The following EYA4 variants were observed in gnomAD, a reference collection of about 807,000 sequenced individuals.
EYA4 encodes protein phosphatase EYA4.
In EYA4, 31 loss-of-function variants were observed where a neutral mutation model predicts 87.9. The observed-to-expected ratio is 0.35, with a 90% CI of 0.27 to 0.48. EYA4 has a LOEUF of 0.48. Ranked by LOEUF, EYA4 falls within the 20% of genes least tolerant of loss-of-function variation. EYA4 has a pLI of 0.99. For missense variants in EYA4, 678 were observed against 761.4 expected (o/e 0.89, Z 1.29); for synonymous variants, 263 against 270.6 (o/e 0.97, Z 0.28).
chr6:133,270,189 T>C (rs1018845979), intron 1 of EYA4, among the ~76,000 whole-genome samples: 1 of 152,196 alleles, frequency 6.6e-6, no homozygotes, highest in African/African-American at 2.4e-5. Context: ...TCCAATCAAG[T>C]TGACATTCAG....
intron 2 of EYA4, among the ~76,000 whole-genome samples, chr6:133,355,096 C>G (rs1189179999): frequency 6.6e-6 from 1 of 151,910 alleles, no homozygotes; most frequent in African/African-American, 2.4e-5. Flanking sequence ...TTTTTTCTAA[C>G]TTTTATTTTA....
intron 2 of EYA4, among the ~76,000 whole-genome samples, chr6:133,310,093 G>A (rs1780105408): frequency 6.6e-6 from 1 of 152,200 alleles, no homozygotes; most frequent in South Asian, 2.1e-4. Flanking sequence ...AGCAGCGAAA[G>A]TGAGGAGGTC....
At chr6:133,451,766 C>A (rs1220369153) in intron 5 of EYA4, among the ~76,000 whole-genome samples, 1 of 152,094 alleles carries the variant, frequency 6.6e-6, no homozygotes, top group Non-Finnish European at 1.5e-5. Flanking sequence ...TAAGAAACAA[C>A]TTCAAAGAAA....
At chr6:133,459,290 C>T (rs1216948840) in intron 6 of EYA4, among the ~76,000 whole-genome samples, 2 of 152,016 alleles carry the variant, frequency 1.3e-5, no homozygotes, top group African/African-American at 2.4e-5. Flanking sequence ...GTTGTGAGTA[C>T]ATTATTCTAA....
intron 13 of EYA4, among the ~76,000 whole-genome samples, chr6:133,491,404 C>T (rs991612749): frequency 6.6e-6 from 1 of 152,058 alleles, no homozygotes; most frequent in Non-Finnish European, 1.5e-5. Flanking sequence ...ATAGACAAAT[C>T]TTTAACCAGC....
chr6:133,277,122 A>G (rs539005267), intron 2 of EYA4, among the ~76,000 whole-genome samples: 135 of 152,306 alleles, frequency 8.9e-4, no homozygotes, highest in Non-Finnish European at 1.5e-3. Flanking sequence ...TATCATTGCT[A>G]TTTTAGTTCA....
At chr6:133,367,509 C>G (rs1183989804) in intron 2 of EYA4, among the ~76,000 whole-genome samples, 1 of 152,186 alleles carries the variant, frequency 6.6e-6, no homozygotes, top group Non-Finnish European at 1.5e-5. Context: ...ATGCATCCAA[C>G]AAATACCAGT....
At chr6:133,394,581 G>A (rs1038387315) in intron 3 of EYA4, among the ~76,000 whole-genome samples, 4 of 151,558 alleles carry the variant, frequency 2.6e-5, no homozygotes, top group African/African-American at 4.9e-5. Flanking sequence ...AAAAAAAAAA[G>A]CCTATGACAA....
intron 13 of EYA4, among the ~76,000 whole-genome samples, chr6:133,487,416 G>T (rs78317814): frequency 6.6e-6 from 1 of 152,144 alleles, no homozygotes; most frequent in Non-Finnish European, 1.5e-5. Context: ...GGGAGTGCTT[G>T]TGCTACCCCT....
intron 3 of EYA4, among the ~76,000 whole-genome samples, chr6:133,432,284 A>G (rs1791250638): frequency 6.6e-6 from 1 of 152,178 alleles, no homozygotes; most frequent in African/African-American, 2.4e-5. Context: ...GAGTTGCACT[A>G]AACACACGGC....
chr6:133,516,237 G>A (rs1749233817), intron 17 of EYA4, among the ~76,000 whole-genome samples: 1 of 152,108 alleles, frequency 6.6e-6, no homozygotes, highest in Non-Finnish European at 1.5e-5. Context: ...GCCTACTTGA[G>A]GGTGAAGGGT....
intron 2 of EYA4, among the ~76,000 whole-genome samples, chr6:133,338,687 T>G (rs1369084393): frequency 2.6e-5 from 4 of 152,192 alleles, no homozygotes; most frequent in Non-Finnish European, 1.5e-5. Flanking sequence ...TAAAATAATT[T>G]CTAAGGAAAC....
intron 2 of EYA4, among the ~76,000 whole-genome samples, chr6:133,380,788 T>C (rs1786123444): frequency 6.6e-6 from 1 of 151,822 alleles, no homozygotes; most frequent in Non-Finnish European, 1.5e-5. Flanking sequence ...TAAAAAAGTA[T>C]TTCTCCCTCC....
In EYA4 at chr6:133,483,084, T is replaced by C; in HGVS notation, c.1160T>C (p.Leu387Pro). 1 of 1,613,172 alleles carries C rather than the reference T, an allele frequency of 6.2e-7. No homozygotes were observed. The highest frequency in any genetic ancestry group is 8.5e-7 in the Non-Finnish European group (1 of 1,179,354). ...ACCATCATTGTTTTTCACTCACTGC[T>C]CACCGGGTCTTATGCACAGAAGTAT... ...DETIIVFHSL[L>P]TGSYAQKYGK... Residue 387 changes from leucine to proline, a missense_variant, in exon 13 of 20, where the codon CTC becomes CCC. Leu to Pro is a moderately conservative substitution (Grantham distance 98, BLOSUM62 -3). Coordinates refer to ENST00000355286, the MANE Select transcript of EYA4 (RefSeq NM_004100.5).
At chr6:133,524,902 A>G in intron 18 of EYA4, 1 of 892,618 alleles carries the variant, frequency 1.1e-6, no homozygotes, top group Non-Finnish European at 1.9e-6. Flanking sequence ...TCATAAACCC[A>G]GAGGTTGTGA....
Position 133,456,596 on chromosome 6 carries a change from T to C in EYA4, c.318T>C (p.Ser106=). The C allele has an allele frequency of 6.2e-7, 1 of 1,613,676 alleles. No homozygotes were observed. Among genetic ancestry groups the C allele is most frequent in the Non-Finnish European group, 8.5e-7 (1 of 1,179,676 alleles). Residue 106 remains serine, a synonymous_variant, in exon 6 of 20, where the codon AGT becomes AGC. Transcript: ENST00000355286. ...LAVKTEPLNS[S]ETTATTGDGA... ...TCAAAACAGAGCCCTTGAACAGCAG[T>C]GAAACCACAGCCACGACTGGAGATG...
intron 1 of EYA4, among the ~76,000 whole-genome samples, chr6:133,264,864 G>A (rs1000849935): frequency 6.6e-6 from 1 of 152,114 alleles, no homozygotes; most frequent in African/African-American, 2.4e-5. Context: ...GAGGGTCTCC[G>A]CTCTGTCACC....
intron 2 of EYA4, among the ~76,000 whole-genome samples, chr6:133,354,641 C>T (rs919640333): frequency 6.6e-5 from 10 of 152,092 alleles, no homozygotes; most frequent in African/African-American, 2.2e-4. Context: ...CCGTATATTG[C>T]TTCTTTTTCT....
chr6:133,512,580 C>G (rs1799250340), intron 14 of EYA4, 141 bp from the exon 15 acceptor site: 1 of 736,450 alleles, frequency 1.4e-6, no homozygotes, highest in Non-Finnish European at 2.5e-6. Context: ...CAGAAGAAAA[C>G]AAGAGTGAGG....
Sources: gnomAD v4.1 joint callset for allele counts (sites outside exome capture counted in the v4.1 genomes callset) on GRCh38, gnomAD v4.1.1 for gene constraint, MANE v1.5 for transcripts, NCBI Gene and HGNC (gene_info 2026-07-23, HGNC 2026-07-21) for gene names.